Variants in TBC1D9 observed in about 807,000 individuals in gnomAD.
TBC1D9 encodes TBC1 domain family member 9A.
TBC1D9 carries 63 observed loss-of-function variants against 132.0 expected under a neutral mutation model. That is an observed-to-expected ratio of 0.48 (90% CI 0.39 to 0.59). The LOEUF is 0.59. TBC1D9 is among the 20% of genes least tolerant of loss of function. The pLI, the probability that TBC1D9 is intolerant of heterozygous loss-of-function variation, is 0.00. For missense variants in TBC1D9, 1,261 were observed against 1,592.7 expected (o/e 0.79, Z 3.54); for synonymous variants, 610 against 609.9 (o/e 1.00, Z 0.00).
intron 13 of TBC1D9, among the ~76,000 whole-genome samples, chr4:140,656,882 G>A (rs955347464): frequency 6.6e-6 from 1 of 152,194 alleles, no homozygotes; most frequent in Non-Finnish European, 1.5e-5. Flanking sequence ...CTCCCCTCCG[G>A]AGGACACTGC....
intron 1 of TBC1D9, among the ~76,000 whole-genome samples, chr4:140,707,971 T>C (rs571289288): frequency 6.6e-6 from 1 of 151,954 alleles, no homozygotes; most frequent in African/African-American, 2.4e-5. Context: ...CATTGTTTCC[T>C]ACTTCAAAAA....
intron 1 of TBC1D9, among the ~76,000 whole-genome samples, chr4:140,752,679 A>G (rs959176810): frequency 1.3e-5 from 2 of 152,220 alleles, no homozygotes; most frequent in African/African-American, 4.8e-5. Context: ...GGTTAAATAA[A>G]TCAATCAAAT....
chr4:140,703,638 G>C (rs1349478519), intron 1 of TBC1D9, among the ~76,000 whole-genome samples: 1 of 152,044 alleles, frequency 6.6e-6, no homozygotes, highest in Non-Finnish European at 1.5e-5. Context: ...AGTTGTCCTT[G>C]GTCTTTGTCC....
intron 1 of TBC1D9, among the ~76,000 whole-genome samples, chr4:140,746,736 G>GA (rs1738842538): frequency 6.6e-6 from 1 of 152,192 alleles, no homozygotes; most frequent in South Asian, 2.1e-4. Context: ...TCACTACCAT[G>GA]AAACGGTATG....
chr4:140,711,733 G>A (rs1233350025), intron 1 of TBC1D9, among the ~76,000 whole-genome samples: 3 of 152,126 alleles, frequency 2.0e-5, no homozygotes, highest in African/African-American at 7.2e-5. Flanking sequence ...TCATGACATG[G>A]TGAAATGCAC....
chr4:140,687,209 G>C (rs918824237), intron 2 of TBC1D9, among the ~76,000 whole-genome samples: 1 of 151,000 alleles, frequency 6.6e-6, no homozygotes, highest in East Asian at 2.0e-4. Context: ...CCATCAGGGT[G>C]GGGGTATAAA....
At chr4:140,696,524 CT>C (rs1275765804) in intron 2 of TBC1D9, among the ~76,000 whole-genome samples, 2 of 145,808 alleles carry the variant, frequency 1.4e-5, no homozygotes, top group Admixed American at 1.4e-4. Context: ...TCAAATAACT[CT>C]TGGTACCTCC....
rs1184811427 is a variant in TBC1D9 at position 140,687,383 on chromosome 4, T to C, written c.242-921A>G. On this transcript the variant is annotated intron_variant, in intron 2 of 20. Transcript: ENST00000442267. ...ATATATATATATATATATATATATA[T>C]ATATATATATATAAACATATAGTAT... Among the ~76,000 whole-genome samples, 95 of 68,358 alleles carry C rather than the reference T, an allele frequency of 1.4e-3. 6 individuals carry two copies. The highest frequency in any genetic ancestry group is 6.5e-3 in the African/African-American group (86 of 13,266). The allele number at this position is 68,358 out of a possible 152,430, so 44.8% of individuals were successfully genotyped here.
chr4:140,729,385 C>G (rs902795770), intron 1 of TBC1D9, among the ~76,000 whole-genome samples: 1 of 152,134 alleles, frequency 6.6e-6, no homozygotes, highest in Admixed American at 6.5e-5. Flanking sequence ...AGATTGCACT[C>G]AAACACATTC....
intron 3 of TBC1D9, among the ~76,000 whole-genome samples, chr4:140,685,333 C>G (rs1214936391): frequency 1.3e-5 from 2 of 152,184 alleles, no homozygotes; most frequent in Admixed American, 1.3e-4. Context: ...AAATGAGTGT[C>G]ATGTGCCTCA....
Position 140,755,975 on chromosome 4 carries a change from A to T in TBC1D9, c.71T>A (p.Phe24Tyr). ...LWITERANPY[F>Y]ILQRRKGHAG... Reference sequence around the variant, plus strand: ...GTGGCCCTTCCTCCGCTGCAGGATGAAGTATGGGTTGGCCCTCTCGGTGAT... The same window carrying T: ...GTGGCCCTTCCTCCGCTGCAGGATGTAGTATGGGTTGGCCCTCTCGGTGAT... The change falls in exon 1 of 21, where the codon TTC becomes TAC. Residue 24 changes from phenylalanine (F) to tyrosine (Y), a missense_variant. Phe to Tyr is a conservative substitution (Grantham distance 22). This residue lies in a region of TBC1D9 where 550 missense variants were observed against 699.0 expected (regional missense o/e 0.79). Transcript: ENST00000442267. The T allele has an allele frequency of 6.2e-7, 1 of 1,606,752 alleles. No individual in the cohort carries two copies.
At chr4:140,631,743 C>T (rs954646708) in intron 16 of TBC1D9, among the ~76,000 whole-genome samples, 3 of 151,894 alleles carry the variant, frequency 2.0e-5, no homozygotes, top group African/African-American at 7.3e-5. Context: ...ATTATAGGGA[C>T]CTGCCACCAC....
intron 1 of TBC1D9, among the ~76,000 whole-genome samples, chr4:140,752,724 C>T (rs1290318752): frequency 1.3e-5 from 2 of 152,114 alleles, no homozygotes; most frequent in Admixed American, 6.6e-5. Context: ...GCACCAATGC[C>T]TATACATATT....
chr4:140,645,000 G>A (rs1737080503), intron 13 of TBC1D9: 2 of 465,728 alleles, frequency 4.3e-6, no homozygotes, highest in South Asian at 1.6e-5. Context: ...CATGCTGCCC[G>A]AGCGGGACAA....
At chr4:140,653,444 C>T (rs541069725) in intron 13 of TBC1D9, among the ~76,000 whole-genome samples, 14 of 152,240 alleles carry the variant, frequency 9.2e-5, no homozygotes, top group African/African-American at 1.2e-4. Context: ...CAACCCTCAC[C>T]GGACATTTGG....
Position 140,659,602 on chromosome 4 carries a change from T to G in TBC1D9, c.1907A>C (p.Asn636Thr), listed in dbSNP as rs750738676. 6.3e-7 allele frequency: 1 copy of G among 1,596,696 alleles called. No individual in the cohort carries two copies. Among genetic ancestry groups the G allele is most frequent in the East Asian group, 2.2e-5 (1 of 44,472 alleles). ...LCERMLPDYY[N>T]TRVVGALVDQ... Reference sequence around the variant, plus strand: ...TCTCCACTTACCCACAACTCTGGTGTTGTAGTAATCTGGGAGCATGCGCTC... The same window carrying G: ...TCTCCACTTACCCACAACTCTGGTGGTGTAGTAATCTGGGAGCATGCGCTC... The change falls in exon 11 of 21, where the codon AAC (asparagine) becomes ACC (threonine). Residue 636 changes from asparagine to threonine, a missense_variant. By Grantham distance (65) the Asn-to-Thr change is moderately conservative. Coordinates refer to ENST00000442267, the MANE Select transcript of TBC1D9 (RefSeq NM_015130.3).
chr4:140,744,606 C>T (rs1479283910), intron 1 of TBC1D9, among the ~76,000 whole-genome samples: 1 of 152,074 alleles, frequency 6.6e-6, no homozygotes, highest in Non-Finnish European at 1.5e-5. Flanking sequence ...GCCTTGGGGC[C>T]CTGGCTGTGG....
At chr4:140,693,574 G>C (rs895256326) in intron 2 of TBC1D9, among the ~76,000 whole-genome samples, 1 of 152,186 alleles carries the variant, frequency 6.6e-6, no homozygotes, top group Non-Finnish European at 1.5e-5. Context: ...GGTAATACAC[G>C]TCAAGTCCTT....
chr4:140,746,193 T>C (rs1014872489), intron 1 of TBC1D9, among the ~76,000 whole-genome samples: 19 of 152,340 alleles, frequency 1.2e-4, no homozygotes, highest in Admixed American at 1.0e-3. Context: ...TTTTAAATCT[T>C]TGTAAAGTTC....
Sources: gnomAD v4.1 joint callset for allele counts (sites outside exome capture counted in the v4.1 genomes callset) on GRCh38, gnomAD v4.1.1 for gene constraint, gnomAD v4.1.1 regional missense constraint, MANE v1.5 for transcripts, NCBI Gene and HGNC (gene_info 2026-07-23, HGNC 2026-07-21) for gene names.